The following ZBTB20 variants were observed in gnomAD, a reference collection of about 807,000 sequenced individuals.
The protein encoded by ZBTB20 is zinc finger and BTB domain-containing protein 20.
A neutral mutation model predicts 56.9 loss-of-function variants in ZBTB20; 9 were observed. The ratio of observed to expected loss-of-function variants is 0.16; its 90% CI spans 0.10 to 0.28. ZBTB20 has a LOEUF of 0.28. Among genes scored for constraint, ZBTB20 ranks in the 10% least tolerant of loss-of-function variants. The pLI is 1.00. For synonymous variants in ZBTB20, 417 were observed against 420.7 expected, an observed-to-expected ratio of 0.99 and a Z score of 0.11; for missense variants, 655 against 1,003.0, an observed-to-expected ratio of 0.65 and a Z score of 4.69.
At chr3:114,771,355 A>G (rs2069183093) in intron 5 of ZBTB20, among the ~76,000 whole-genome samples, 1 of 152,178 alleles carries the variant, frequency 6.6e-6, no homozygotes, top group African/African-American at 2.4e-5. Context: ...AGATTTATTA[A>G]ATAACTAAAA....
chr3:114,522,301 C>A (rs1374842162), intron 6 of ZBTB20, among the ~76,000 whole-genome samples: 3 of 147,732 alleles, frequency 2.0e-5, no homozygotes, highest in Non-Finnish European at 3.0e-5. Context: ...AATGTGAAAT[C>A]ATGCATGGTA....
chr3:115,002,369 C>T (rs1013821307), intron 2 of ZBTB20, among the ~76,000 whole-genome samples: 53 of 151,362 alleles, frequency 3.5e-4, no homozygotes, highest in African/African-American at 1.1e-3. Context: ...AAATAATTGA[C>T]GTTAGAGTTT....
chr3:114,323,378 T>C lies in ZBTB20; in HGVS notation c.*15627A>G, dbSNP rs1294969094. On this transcript the variant is annotated 3_prime_UTR_variant, in exon 12 of 12. Coordinates refer to ENST00000675478, the MANE Select transcript of ZBTB20 (RefSeq NM_001348800.3). ...TGGTTTTCAGTGTTTATTGCACTGTTCCCTATCTGTCATCTTAAAGGACTT... is the reference window on the plus strand; with the variant it reads ...TGGTTTTCAGTGTTTATTGCACTGTCCCCTATCTGTCATCTTAAAGGACTT... 2.0e-5 allele frequency: 3 copies of C among 152,222 alleles called. No individual in the cohort carries two copies. In the East Asian group the frequency reaches 5.8e-4, roughly 29 times the overall value. 9.4% of individuals were successfully genotyped at this position (152,222 alleles called of 1,614,324 possible).
chr3:114,898,070 C>T (rs2074960242), intron 4 of ZBTB20, among the ~76,000 whole-genome samples: 2 of 152,028 alleles, frequency 1.3e-5, no homozygotes, highest in Non-Finnish European at 2.9e-5. Flanking sequence ...AACACAGGGT[C>T]CATTACTTTT....
At chr3:114,596,212 T>C (rs190871729) in intron 6 of ZBTB20, among the ~76,000 whole-genome samples, 2 of 152,176 alleles carry the variant, frequency 1.3e-5, no homozygotes, top group Admixed American at 1.3e-4. Flanking sequence ...TTGGCCCAAA[T>C]ATCATAACCT....
At chr3:114,651,630 A>T (rs2060138954) in intron 6 of ZBTB20, among the ~76,000 whole-genome samples, 1 of 151,756 alleles carries the variant, frequency 6.6e-6, no homozygotes, top group Admixed American at 6.6e-5. Context: ...TTTGATATTA[A>T]CTTTGCAATA....
intron 7 of ZBTB20, among the ~76,000 whole-genome samples, chr3:114,418,646 T>C (rs2088827884): frequency 1.3e-5 from 2 of 150,884 alleles, no homozygotes; most frequent in South Asian, 4.2e-4. Flanking sequence ...CCAAGGGAAG[T>C]AGTAGAAGTT....
chr3:114,941,977 C>T (rs1004684813), intron 3 of ZBTB20, among the ~76,000 whole-genome samples: 2 of 145,944 alleles, frequency 1.4e-5, no homozygotes, highest in African/African-American at 5.6e-5. Flanking sequence ...ACTGTTTATA[C>T]CCCATGTACA....
intron 7 of ZBTB20, among the ~76,000 whole-genome samples, chr3:114,498,099 C>T (rs1182134491): frequency 6.6e-6 from 1 of 152,142 alleles, no homozygotes; most frequent in Non-Finnish European, 1.5e-5. Flanking sequence ...AAGATATTGT[C>T]CTGAGAATAA....
intron 2 of ZBTB20, among the ~76,000 whole-genome samples, chr3:114,991,445 T>G (rs2078805538): frequency 6.6e-6 from 1 of 152,184 alleles, no homozygotes; most frequent in African/African-American, 2.4e-5. Flanking sequence ...GAGTTCTAGT[T>G]TGATTGCACT....
chr3:114,784,355 A>C (rs1382223961), intron 5 of ZBTB20, among the ~76,000 whole-genome samples: 4 of 152,214 alleles, frequency 2.6e-5, no homozygotes, highest in Admixed American at 2.6e-4. Flanking sequence ...TGGGCAAGTA[A>C]TGTTTTGTGT....
chr3:114,323,655 C>T lies in ZBTB20; in HGVS notation c.*15350G>A, dbSNP rs1456254934. 6.6e-6 allele frequency: 1 copy of T among 152,136 alleles called. No individual in the cohort carries two copies. The highest frequency in any genetic ancestry group is 2.4e-5 in the African/African-American group (1 of 41,428). The allele number at this position is 152,136 out of a possible 1,614,324, so 9.4% of individuals were successfully genotyped here. On this transcript the variant is annotated 3_prime_UTR_variant, in exon 12 of 12. Coordinates refer to ENST00000675478, the MANE Select transcript of ZBTB20 (RefSeq NM_001348800.3). ...TTAAAACTCTTACTGAGAGCTCAGT[C>T]AGAAACAAGATTGGGTAAACTTTTT...
intron 3 of ZBTB20, among the ~76,000 whole-genome samples, chr3:114,970,268 G>A (rs1279194118): frequency 6.6e-6 from 1 of 152,188 alleles, no homozygotes; most frequent in Non-Finnish European, 1.5e-5. Flanking sequence ...ACAAAGGTAT[G>A]TTGAGTGGTA....
chr3:114,436,340 C>G (rs547946311), intron 7 of ZBTB20, among the ~76,000 whole-genome samples: 92 of 152,166 alleles, frequency 6.0e-4, no homozygotes, highest in Non-Finnish European at 8.1e-4. Flanking sequence ...GCTAGATCTC[C>G]CTAGAGGCCC....
chr3:115,016,833 C>T (rs971666745), intron 2 of ZBTB20, among the ~76,000 whole-genome samples: 1 of 151,276 alleles, frequency 6.6e-6, no homozygotes, highest in Admixed American at 6.6e-5. Context: ...AATTCAACAT[C>T]CCTTCACGTT....
rs1468198999 is a variant in ZBTB20, at chr3:114,898,985, AAATATAC to A, written c.-417+1312_-417+1318del. Among the ~76,000 whole-genome samples, 3 of 152,158 alleles carry A rather than the reference AAATATAC, an allele frequency of 2.0e-5. No homozygotes were observed. The East Asian group carries it at 5.8e-4, about 29-fold the overall frequency. ...ATTTATAGAACTTTACCTATTAGTA[AAATATAC>A]AATCTATAATAGCTTGTCTATATCA... On this transcript the variant is annotated intron_variant, in intron 4 of 11. Transcript: ENST00000675478.
intron 3 of ZBTB20, among the ~76,000 whole-genome samples, chr3:114,955,589 T>C (rs552558029): frequency 6.6e-6 from 1 of 152,258 alleles, no homozygotes. Flanking sequence ...GTACTCAACC[T>C]TGAAATCATC....
intron 4 of ZBTB20, among the ~76,000 whole-genome samples, chr3:114,895,116 T>A (rs1295403236): frequency 3.3e-5 from 5 of 152,132 alleles, no homozygotes; most frequent in Non-Finnish European, 7.4e-5. Flanking sequence ...TAAGGGAAAA[T>A]CATACATATA....
At chr3:114,406,522 C>T (rs1031384219) in intron 7 of ZBTB20, among the ~76,000 whole-genome samples, 1 of 152,058 alleles carries the variant, frequency 6.6e-6, no homozygotes, top group Non-Finnish European at 1.5e-5. Context: ...CTTATAATGA[C>T]GCATTACAAA....
Sources: gnomAD v4.1 joint callset for allele counts (sites outside exome capture counted in the v4.1 genomes callset) on GRCh38, gnomAD v4.1.1 for gene constraint, MANE v1.5 for transcripts, NCBI Gene and HGNC (gene_info 2026-07-23, HGNC 2026-07-21) for gene names.